RGS7: variants seen among roughly 807,000 people sequenced by gnomAD.
RGS7 encodes regulator of G protein signaling 7.
RGS7 carries 27 observed loss-of-function variants against 81.1 expected under a neutral mutation model. The observed-to-expected ratio is 0.33, with a 90% CI of 0.25 to 0.46. RGS7 has a LOEUF of 0.46. Among genes scored for constraint, RGS7 ranks in the 20% least tolerant of loss-of-function variants. RGS7 has a pLI of 1.00. For synonymous variants in RGS7, 208 were observed against 207.7 expected (o/e 1.00, Z -0.01); for missense variants, 396 against 607.4 (o/e 0.65, Z 3.66).
intron 4 of RGS7, among the ~76,000 whole-genome samples, chr1:240,973,290 G>A (rs1683539803): frequency 6.6e-6 from 1 of 152,026 alleles, no homozygotes; most frequent in Non-Finnish European, 1.5e-5. Flanking sequence ...AGGCTGAGGA[G>A]GGCAGATCAC....
chr1:241,225,979 A>G (rs1330279774), intron 2 of RGS7, among the ~76,000 whole-genome samples: 3 of 152,202 alleles, frequency 2.0e-5, no homozygotes, highest in African/African-American at 7.2e-5. Context: ...CATTTTCAAC[A>G]CCACTTGAAA....
chr1:241,078,307 G>C (rs916298344), intron 3 of RGS7, among the ~76,000 whole-genome samples: 80 of 123,230 alleles, frequency 6.5e-4, no homozygotes, highest in African/African-American at 2.4e-3. Context: ...GTCTCTGTGT[G>C]TGTGTGTGTG....
chr1:241,258,767 G>A (rs1476485919), intron 2 of RGS7, among the ~76,000 whole-genome samples: 1 of 152,144 alleles, frequency 6.6e-6, no homozygotes, highest in African/African-American at 2.4e-5. Flanking sequence ...AATTCAGGAG[G>A]GAAAAACTAT....
chr1:240,801,648 C>CCTCT, intron 16 of RGS7, 140 bp from the exon 17 acceptor site: 2 of 721,970 alleles, frequency 2.8e-6, no homozygotes, highest in Non-Finnish European at 4.9e-6. Flanking sequence ...TCAGAAGGCC[C>CCTCT]ATAGAGGTTG....
chr1:241,315,727 T>G (rs2080831248), intron 2 of RGS7, among the ~76,000 whole-genome samples: 1 of 152,226 alleles, frequency 6.6e-6, no homozygotes, highest in African/African-American at 2.4e-5. Flanking sequence ...GGACTTCTAG[T>G]GCTATGCTGA....
chr1:240,976,922 T>A (rs986909442), intron 4 of RGS7, among the ~76,000 whole-genome samples: 4 of 128,752 alleles, frequency 3.1e-5, no homozygotes, highest in Non-Finnish European at 5.2e-5. Flanking sequence ...CTTTCTATCA[T>A]CCATCTATCA....
chr1:241,323,562 T>C (rs2081325392), intron 2 of RGS7, among the ~76,000 whole-genome samples: 2 of 152,196 alleles, frequency 1.3e-5, no homozygotes, highest in Non-Finnish European at 2.9e-5. Flanking sequence ...AACTCTGGAC[T>C]AGGAAATCAG....
chr1:241,174,607 C>T (rs1052534639), intron 2 of RGS7, among the ~76,000 whole-genome samples: 1 of 152,146 alleles, frequency 6.6e-6, no homozygotes, highest in Non-Finnish European at 1.5e-5. Flanking sequence ...TTAACAAACA[C>T]TTTTTATGTG....
chr1:241,030,956 C>T (rs1248620392), intron 3 of RGS7, among the ~76,000 whole-genome samples: 1 of 152,162 alleles, frequency 6.6e-6, no homozygotes, highest in Non-Finnish European at 1.5e-5. Flanking sequence ...ACAAAACATT[C>T]AGCAACTTCT....
intron 3 of RGS7, among the ~76,000 whole-genome samples, chr1:241,009,266 G>C (rs1197657505): frequency 2.0e-5 from 3 of 152,198 alleles, no homozygotes; most frequent in African/African-American, 7.2e-5. Flanking sequence ...GCCTTGTATG[G>C]AAAATATTAT....
intron 3 of RGS7, among the ~76,000 whole-genome samples, chr1:241,005,195 G>A (rs2058620603): frequency 6.6e-6 from 1 of 152,092 alleles, no homozygotes; most frequent in Non-Finnish European, 1.5e-5. Context: ...TCACTTCTAT[G>A]AAGTTGCTCA....
At chr1:240,954,769 A>C (rs72756864) in intron 4 of RGS7, among the ~76,000 whole-genome samples, 7,385 of 152,266 alleles carry the variant, frequency 0.049, 236 homozygotes, top group Non-Finnish European at 0.073. Flanking sequence ...CAAAGAAAAA[A>C]TGTTATACAC....
intron 2 of RGS7, among the ~76,000 whole-genome samples, chr1:241,325,856 C>T (rs931233782): frequency 6.6e-6 from 1 of 152,148 alleles, no homozygotes; most frequent in Non-Finnish European, 1.5e-5. Context: ...AAGTCTCTTA[C>T]AGGAAAATGT....
At chr1:241,045,665 G>C (rs1029444551) in intron 3 of RGS7, among the ~76,000 whole-genome samples, 1 of 152,094 alleles carries the variant, frequency 6.6e-6, no homozygotes, top group Non-Finnish European at 1.5e-5. Context: ...CGCCTGGCCT[G>C]TCTAGGTATC....
chr1:241,166,946 T>C lies in RGS7; in HGVS notation c.79-68184A>G, dbSNP rs905187561. 5.6e-4 allele frequency among the ~76,000 whole-genome samples: 86 copies of C among 152,284 alleles called. 1 individual carries two copies. The highest frequency in any genetic ancestry group is 1.9e-3 in the African/African-American group (78 of 41,560). On this transcript the variant is annotated intron_variant, in intron 2 of 18. Transcript: ENST00000440928. ...ATGGGAATCTGTTATTCTTGACCAG[T>C]AAAATGTGTTAATTGCTATGAAATA...
At chr1:241,013,085 C>T (rs928793013) in intron 3 of RGS7, among the ~76,000 whole-genome samples, 22 of 95,760 alleles carry the variant, frequency 2.3e-4, no homozygotes, top group South Asian at 3.5e-4. Context: ...TTTTGTGAAA[C>T]GGAGTCCCAC....
intron 18 of RGS7, among the ~76,000 whole-genome samples, chr1:240,793,520 G>T (rs1241220201): frequency 6.7e-6 from 1 of 149,252 alleles, no homozygotes; most frequent in African/African-American, 2.5e-5. Context: ...ATGCTTGCTG[G>T]TAATATCTAT....
intron 3 of RGS7, among the ~76,000 whole-genome samples, chr1:241,081,539 G>T (rs1202897643): frequency 6.6e-6 from 1 of 152,164 alleles, no homozygotes; most frequent in African/African-American, 2.4e-5. Flanking sequence ...AAAGTACATC[G>T]ATTTCCCCTT....
At chr1:241,085,671 T>C (rs1463921450) in intron 3 of RGS7, among the ~76,000 whole-genome samples, 1 of 152,098 alleles carries the variant, frequency 6.6e-6, no homozygotes, top group East Asian at 1.9e-4. Flanking sequence ...TGACCTCAGG[T>C]GATCTGCCCA....
Sources: allele counts gnomAD v4.1 joint callset (sites outside exome capture counted in the v4.1 genomes callset), GRCh38; gene constraint gnomAD v4.1.1; transcripts MANE v1.5; gene names NCBI Gene and HGNC (gene_info 2026-07-23, HGNC 2026-07-21).